The following SOX5 variants were observed in gnomAD, a reference collection of about 807,000 sequenced individuals.
The protein encoded by SOX5 is SRY-box transcription factor 5.
In SOX5, 9 loss-of-function variants were observed where a neutral mutation model predicts 92.0. That is an observed-to-expected ratio of 0.10 (90% CI 0.06 to 0.17). SOX5 has a LOEUF of 0.17. SOX5 is among the 10% of genes least tolerant of loss of function. The pLI, the probability that SOX5 is intolerant of heterozygous loss-of-function variation, is 1.00. For missense variants in SOX5, 642 were observed against 944.5 expected, an observed-to-expected ratio of 0.68 and a Z score of 4.20; for synonymous variants, 344 against 336.3, an observed-to-expected ratio of 1.02 and a Z score of -0.25.
intron 2 of SOX5, among the ~76,000 whole-genome samples, chr12:24,320,986 T>A (rs909541343): frequency 4.6e-5 from 7 of 152,194 alleles, no homozygotes; most frequent in Non-Finnish European, 7.4e-5. Context: ...GATTCTAAAT[T>A]CCCTACATAG....
chr12:23,641,193 C>T (rs934651350), intron 7 of SOX5, among the ~76,000 whole-genome samples: 10 of 151,812 alleles, frequency 6.6e-5, no homozygotes, highest in African/African-American at 1.9e-4. Context: ...ATAACACACA[C>T]GCGCGTGCAC....
chr12:23,861,828 T>C (rs557306192), intron 2 of SOX5, among the ~76,000 whole-genome samples: 1 of 152,128 alleles, frequency 6.6e-6, no homozygotes, highest in Non-Finnish European at 1.5e-5. Context: ...ACAAAAGTCC[T>C]TTGCTATCTA....
chr12:23,927,553 AATG>A (rs1475368152), intron 1 of SOX5, among the ~76,000 whole-genome samples: 3 of 152,106 alleles, frequency 2.0e-5, no homozygotes, highest in African/African-American at 7.2e-5. Context: ...TTGTTAAAAT[AATG>A]ATGATCATGA....
At chr12:24,466,857 A>G (rs1442338300) in intron 1 of SOX5, among the ~76,000 whole-genome samples, 1 of 152,224 alleles carries the variant, frequency 6.6e-6, no homozygotes, top group African/African-American at 2.4e-5. Flanking sequence ...ATGCATAATC[A>G]GATGGAATCT....
intron 4 of SOX5, among the ~76,000 whole-genome samples, chr12:24,049,278 G>A (rs139225272): frequency 6.6e-6 from 1 of 152,214 alleles, no homozygotes; most frequent in African/African-American, 2.4e-5. Context: ...ATCACTCCTT[G>A]GCCAAATACG....
At chr12:24,352,425 G>GT in intron 2 of SOX5, among the ~76,000 whole-genome samples, 1 of 152,226 alleles carries the variant, frequency 6.6e-6, no homozygotes, top group South Asian at 2.1e-4. Context: ...CACAACAGCG[G>GT]GGTCCCACAG....
chr12:24,425,068 C>G (rs547111371), intron 1 of SOX5, among the ~76,000 whole-genome samples: 23 of 152,186 alleles, frequency 1.5e-4, no homozygotes, highest in Admixed American at 2.6e-4. Flanking sequence ...CAGAGCCATA[C>G]ATGCTATTAC....
chr12:23,533,406 GGATTGTCTAA>G lies in SOX5; in HGVS notation c.*803_*812del, dbSNP rs1265920148. ...CTGCTGGTATTTCAGGTTTTTCAAG[GGATTGTCTAA>G]GATTTAACACTGTCCTAACTTAAGA... On this transcript the variant is annotated 3_prime_UTR_variant, in exon 15 of 15. Coordinates refer to ENST00000451604, the MANE Select transcript of SOX5 (RefSeq NM_006940.6). The G allele has an allele frequency of 3.6e-6, 1 of 278,264 alleles. No homozygotes were observed. Among genetic ancestry groups the G allele is most frequent in the African/African-American group, 2.2e-5 (1 of 44,820 alleles). 17.2% of individuals were successfully genotyped at this position (278,264 alleles called of 1,614,324 possible).
chr12:24,432,026 G>A (rs1030566767), intron 1 of SOX5, among the ~76,000 whole-genome samples: 2 of 152,104 alleles, frequency 1.3e-5, no homozygotes, highest in Non-Finnish European at 2.9e-5. Flanking sequence ...TTGGCTTAGG[G>A]TTTCCTCGCA....
chr12:23,787,018 G>A (rs2095392630), intron 3 of SOX5, among the ~76,000 whole-genome samples: 1 of 145,208 alleles, frequency 6.9e-6, no homozygotes, highest in Admixed American at 6.7e-5. Flanking sequence ...AAAGGTCAGA[G>A]GAGATTATTT....
chr12:24,507,324 A>T (rs139360801), intron 1 of SOX5, among the ~76,000 whole-genome samples: 24 of 151,908 alleles, frequency 1.6e-4, no homozygotes, highest in South Asian at 8.4e-4. Context: ...GGATGGATAG[A>T]CTATGGAACC....
intron 1 of SOX5, among the ~76,000 whole-genome samples, chr12:24,560,178 A>AG (rs933024918): frequency 2.6e-5 from 4 of 152,180 alleles, no homozygotes; most frequent in African/African-American, 7.2e-5. Context: ...TGGAAAGAAA[A>AG]GGGGGAAAAA....
At position 23,546,488 on chromosome 12, in the gene SOX5, T is replaced by G. The variant is rs940956648; in HGVS notation, c.1489-64A>C. 10 of 903,034 alleles carry G rather than the reference T, an allele frequency of 1.1e-5. No homozygotes were observed. The African/African-American group carries it at 1.7e-4, about 15-fold the overall frequency. The allele number at this position is 903,034 out of a possible 1,614,324, so 55.9% of individuals were successfully genotyped here. ...AAAATTATTTGAAGACTTTCTTTTT[T>G]TGGGCCACATATATAATACATTAAC... is the stretch of plus-strand genomic sequence containing the variant. On this transcript the variant is annotated intron_variant, in intron 11 of 14. Coordinates refer to ENST00000451604, the MANE Select transcript of SOX5 (RefSeq NM_006940.6).
intron 4 of SOX5, among the ~76,000 whole-genome samples, chr12:24,029,445 T>C (rs1294843580): frequency 6.6e-6 from 1 of 151,888 alleles, no homozygotes; most frequent in East Asian, 1.9e-4. Context: ...TGGCTGTTTT[T>C]TTAGTTTTTT....
At chr12:23,909,947 T>C (rs2097333943) in intron 1 of SOX5, among the ~76,000 whole-genome samples, 1 of 152,048 alleles carries the variant, frequency 6.6e-6, no homozygotes, top group Non-Finnish European at 1.5e-5. Flanking sequence ...TCTTTTTTTT[T>C]GTTTTTTGTT....
chr12:24,478,366 A>T (rs1394389452), intron 1 of SOX5, among the ~76,000 whole-genome samples: 1 of 152,230 alleles, frequency 6.6e-6, no homozygotes, highest in African/African-American at 2.4e-5. Flanking sequence ...TTGAAAGAAG[A>T]GAGACAAAAG....
intron 4 of SOX5, among the ~76,000 whole-genome samples, chr12:24,163,817 C>A (rs1953064156): frequency 6.6e-6 from 1 of 152,016 alleles, no homozygotes; most frequent in Admixed American, 6.6e-5. Flanking sequence ...CTCTCTTTCT[C>A]TCTGTCTTTG....
At chr12:24,316,643 T>C (rs1949719584) in intron 2 of SOX5, among the ~76,000 whole-genome samples, 1 of 152,210 alleles carries the variant, frequency 6.6e-6, no homozygotes, top group South Asian at 2.1e-4. Flanking sequence ...TCTTAGCATG[T>C]ACATAGGAAT....
At chr12:23,916,394 A>G (rs1327883395) in intron 1 of SOX5, among the ~76,000 whole-genome samples, 1 of 152,218 alleles carries the variant, frequency 6.6e-6, no homozygotes, top group African/African-American at 2.4e-5. Flanking sequence ...GCAGGCTATC[A>G]GCAAAAAGCA....
Sources: gnomAD v4.1 joint callset for allele counts (sites outside exome capture counted in the v4.1 genomes callset) on GRCh38, gnomAD v4.1.1 for gene constraint, MANE v1.5 for transcripts, NCBI Gene and HGNC (gene_info 2026-07-23, HGNC 2026-07-21) for gene names.